RABGAP1L: variants seen among roughly 807,000 people sequenced by gnomAD.
RABGAP1L encodes rab GTPase-activating protein 1-like.
In RABGAP1L, 63 loss-of-function variants were observed where a neutral mutation model predicts 137.7. That is an observed-to-expected ratio of 0.46 (90% CI 0.37 to 0.56). The LOEUF (loss-of-function observed/expected upper bound fraction) is 0.56, where lower values mean the gene tolerates loss of function less well. RABGAP1L is among the 20% of genes least tolerant of loss of function. RABGAP1L has a pLI of 0.00. For missense variants in RABGAP1L, 1,095 were observed against 1,244.0 expected, an observed-to-expected ratio of 0.88 and a Z score of 1.80; for synonymous variants, 431 against 433.7, an observed-to-expected ratio of 0.99 and a Z score of 0.08.
intron 1 of RABGAP1L, among the ~76,000 whole-genome samples, chr1:174,195,619 TCC>T (rs1186797771): frequency 5.3e-4 from 34 of 64,450 alleles, no homozygotes; most frequent in East Asian, 1.7e-3. Flanking sequence ...CTTTCTTTCT[TCC>T]TTCCTTCCTT....
intron 10 of RABGAP1L, among the ~76,000 whole-genome samples, chr1:174,279,302 TTAG>T (rs761117400): frequency 3.3e-5 from 5 of 152,152 alleles, no homozygotes; most frequent in Non-Finnish European, 7.4e-5. Flanking sequence ...TTAGGCAGTA[TTAG>T]TAGATAAAAT....
At chr1:174,636,459 C>T (rs927066927) in intron 13 of RABGAP1L, among the ~76,000 whole-genome samples, 4 of 150,370 alleles carry the variant, frequency 2.7e-5, no homozygotes, top group Admixed American at 6.7e-5. Context: ...ACCCGGGAGG[C>T]GGAGGTTGCG....
chr1:174,763,061 C>A (rs139161617), intron 18 of RABGAP1L, among the ~76,000 whole-genome samples: 41 of 151,558 alleles, frequency 2.7e-4, no homozygotes, highest in Non-Finnish European at 1.2e-4. Context: ...GTGATCCACC[C>A]GCCTTGGCCT....
chr1:174,575,050 C>G (rs1055750937), intron 13 of RABGAP1L, among the ~76,000 whole-genome samples: 1 of 152,198 alleles, frequency 6.6e-6, no homozygotes, highest in Non-Finnish European at 1.5e-5. Flanking sequence ...CCTGCCTCAG[C>G]CTTCCGAGTA....
rs558497192 is a variant in RABGAP1L, at chr1:174,612,149, T to C, written c.1711-25226T>C. ...GTCTTGCACCTGTTTTCAAAGGGAATGCTTCCAGTTTTTGCCCATTCAGTA... is the reference window on the plus strand; with the variant it reads ...GTCTTGCACCTGTTTTCAAAGGGAACGCTTCCAGTTTTTGCCCATTCAGTA... On this transcript the variant is annotated intron_variant, in intron 13 of 25. Transcript: ENST00000681986. Among the ~76,000 whole-genome samples the C allele has an allele frequency of 4.1e-3, 621 of 152,330 alleles. 6 individuals carry two copies. Among genetic ancestry groups the C allele is most frequent in the African/African-American group, 0.012 (506 of 41,572 alleles).
intron 1 of RABGAP1L, among the ~76,000 whole-genome samples, chr1:174,177,488 GAT>G: frequency 6.6e-6 from 1 of 152,280 alleles, no homozygotes; most frequent in East Asian, 1.9e-4. Context: ...AGCTTAATTA[GAT>G]CCCATTTGTC....
chr1:174,854,829 C>T (rs1296776669), intron 19 of RABGAP1L, among the ~76,000 whole-genome samples: 1 of 139,208 alleles, frequency 7.2e-6, no homozygotes, highest in Non-Finnish European at 1.5e-5. Context: ...CCTCTGCCCC[C>T]AGGATTCAAG....
chr1:174,428,250 T>A (rs1311600710), intron 13 of RABGAP1L, among the ~76,000 whole-genome samples: 1 of 152,158 alleles, frequency 6.6e-6, no homozygotes, highest in East Asian at 1.9e-4. Flanking sequence ...TGAAGCACTA[T>A]GTGTTAGGCT....
At chr1:174,700,928 T>A (rs1679599316) in intron 16 of RABGAP1L, 1 of 473,682 alleles carries the variant, frequency 2.1e-6, no homozygotes, top group African/African-American at 2.0e-5. Context: ...AGATGTGTGG[T>A]ACTATGAAGA....
chr1:174,667,480 C>T (rs909869610), intron 14 of RABGAP1L, among the ~76,000 whole-genome samples: 1 of 152,192 alleles, frequency 6.6e-6, no homozygotes, highest in Admixed American at 6.5e-5. Context: ...AACCTATTTG[C>T]ATCTCATAGG....
intron 13 of RABGAP1L, among the ~76,000 whole-genome samples, chr1:174,541,879 A>G (rs1395186779): frequency 6.6e-6 from 1 of 152,110 alleles, no homozygotes; most frequent in Admixed American, 6.5e-5. Context: ...GGTTCTGTTT[A>G]TATGATGGAT....
At chr1:174,299,671 C>G (rs558752307) in intron 10 of RABGAP1L, among the ~76,000 whole-genome samples, 2 of 152,194 alleles carry the variant, frequency 1.3e-5, no homozygotes, top group Non-Finnish European at 2.9e-5. Flanking sequence ...TTCCTTGACT[C>G]TGAAAAACAA....
chr1:174,674,144 T>C (rs1283632242), intron 14 of RABGAP1L, among the ~76,000 whole-genome samples: 1 of 151,626 alleles, frequency 6.6e-6, no homozygotes, highest in East Asian at 1.9e-4. Flanking sequence ...ATGTACAGGT[T>C]AGTTACATAT....
chr1:174,540,886 A>T (rs937799237), intron 13 of RABGAP1L, among the ~76,000 whole-genome samples: 3 of 152,172 alleles, frequency 2.0e-5, no homozygotes, highest in African/African-American at 7.2e-5. Context: ...ACCTTGGGCA[A>T]TATGGACATT....
intron 11 of RABGAP1L, among the ~76,000 whole-genome samples, chr1:174,357,989 A>G (rs961516177): frequency 3.3e-5 from 5 of 152,244 alleles, no homozygotes; most frequent in Admixed American, 1.3e-4. Context: ...CATGTTAGAT[A>G]CAGACAACTG....
chr1:174,588,251 CCT>C (rs1669275662), intron 13 of RABGAP1L, among the ~76,000 whole-genome samples: 1 of 152,052 alleles, frequency 6.6e-6, no homozygotes, highest in African/African-American at 2.4e-5. Context: ...GCAGCCTCCG[CCT>C]CTGGGGTTCA....
chr1:174,195,612 TCTTTCTTCCTTCCTTCCTTC>T (rs1386764169), intron 1 of RABGAP1L, among the ~76,000 whole-genome samples: 2 of 60,010 alleles, frequency 3.3e-5, no homozygotes, highest in South Asian at 1.1e-3. Context: ...TTTCTTTCTT[TCTTTCTTCCTTCCTTCCTTC>T]CTTCCTTCCT....
intron 13 of RABGAP1L, among the ~76,000 whole-genome samples, chr1:174,418,967 G>A (rs1238571372): frequency 6.6e-6 from 1 of 152,128 alleles, no homozygotes; most frequent in Non-Finnish European, 1.5e-5. Context: ...GAACCTAGGA[G>A]GTGGAGGTTG....
chr1:174,597,533 G>A (rs1184185335), intron 13 of RABGAP1L, among the ~76,000 whole-genome samples: 1 of 151,608 alleles, frequency 6.6e-6, no homozygotes, highest in African/African-American at 2.4e-5. Flanking sequence ...AATGATCTTT[G>A]AATTTCTGTG....
Sources: gnomAD v4.1 joint callset for allele counts (sites outside exome capture counted in the v4.1 genomes callset) on GRCh38, gnomAD v4.1.1 for gene constraint, MANE v1.5 for transcripts, NCBI Gene and HGNC (gene_info 2026-07-23, HGNC 2026-07-21) for gene names.